SEMA6D: variants seen among roughly 807,000 people sequenced by gnomAD.
SEMA6D encodes the protein semaphorin 6D.
In SEMA6D, 35 loss-of-function variants were observed where a neutral mutation model predicts 106.6. That is an observed-to-expected ratio of 0.33 (90% CI 0.25 to 0.44). SEMA6D has a LOEUF of 0.44. Ranked by LOEUF, SEMA6D falls within the 20% of genes least tolerant of loss-of-function variation. SEMA6D has a pLI of 1.00. For synonymous variants in SEMA6D, 499 were observed against 487.7 expected (o/e 1.02, Z -0.31); for missense variants, 1,185 against 1,345.9 (o/e 0.88, Z 1.87).
chr15:47,348,704 CA>C (rs67792283), intron 1 of SEMA6D, among the ~76,000 whole-genome samples: 41,098 of 100,088 alleles, frequency 0.41, 8,665 homozygotes, highest in Non-Finnish European at 0.51. Flanking sequence ...CACACACACA[CA>C]CACACACACA....
intron 1 of SEMA6D, among the ~76,000 whole-genome samples, chr15:47,351,181 A>G (rs553315894): frequency 7.2e-5 from 11 of 152,226 alleles, no homozygotes; most frequent in African/African-American, 2.4e-4. Context: ...TGTTTATATC[A>G]TATCTATCCT....
chr15:47,552,765 A>C (rs1483144373), intron 3 of SEMA6D, among the ~76,000 whole-genome samples: 1 of 102,410 alleles, frequency 9.8e-6, no homozygotes, highest in African/African-American at 3.7e-5. Context: ...ATATTGTTTC[A>C]CAGTGACAAC....
At chr15:47,471,931 T>TCTCTCACACACA (rs1555445502) in intron 3 of SEMA6D, among the ~76,000 whole-genome samples, 3 of 121,436 alleles carry the variant, frequency 2.5e-5, no homozygotes, top group Admixed American at 8.4e-5. Flanking sequence ...TCTCTCTCTC[T>TCTCTCACACACA]CACACACACA....
intron 4 of SEMA6D, among the ~76,000 whole-genome samples, chr15:47,686,718 C>T (rs796232739): frequency 8.1e-4 from 124 of 152,154 alleles, no homozygotes; most frequent in African/African-American, 2.9e-3. Flanking sequence ...GTGTCAAATT[C>T]CTTGAATGAA....
chr15:47,685,220 A>G (rs2078443685), intron 4 of SEMA6D, among the ~76,000 whole-genome samples: 2 of 152,190 alleles, frequency 1.3e-5, no homozygotes, highest in African/African-American at 4.8e-5. Context: ...CCTAAAATTC[A>G]TTAAACTTTT....
chr15:47,421,921 A>C (rs1390747471), intron 2 of SEMA6D, among the ~76,000 whole-genome samples: 1 of 152,076 alleles, frequency 6.6e-6, no homozygotes, highest in Non-Finnish European at 1.5e-5. Context: ...AATTTAATAA[A>C]ATAAAATTCT....
intron 3 of SEMA6D, among the ~76,000 whole-genome samples, chr15:47,597,533 C>A (rs184618215): frequency 6.6e-6 from 1 of 152,022 alleles, no homozygotes; most frequent in African/African-American, 2.4e-5. Context: ...TACTATACAG[C>A]CTTAATAATG....
intron 3 of SEMA6D, among the ~76,000 whole-genome samples, chr15:47,475,289 T>C (rs1479157446): frequency 6.6e-6 from 1 of 152,210 alleles, no homozygotes; most frequent in East Asian, 1.9e-4. Context: ...TATAATTTTA[T>C]TGATGTTGCA....
intron 4 of SEMA6D, among the ~76,000 whole-genome samples, chr15:47,612,158 A>G (rs1237000401): frequency 1.3e-5 from 2 of 152,182 alleles, no homozygotes; most frequent in Non-Finnish European, 2.9e-5. Flanking sequence ...TATAAATTTC[A>G]TAGCAAAAGC....
intron 1 of SEMA6D, chr15:47,730,495 A>G (rs929002588): frequency 7.7e-7 from 1 of 1,296,060 alleles, no homozygotes; most frequent in East Asian, 2.3e-5. Context: ...GAGCTTTCTT[A>G]TTGTCCACCA....
intron 9 of SEMA6D, 149 bp from the exon 10 acceptor site, chr15:47,763,701 C>T (rs2082184370): frequency 1.4e-6 from 1 of 726,994 alleles, no homozygotes; most frequent in Non-Finnish European, 2.4e-6. Flanking sequence ...TACCTTCTTA[C>T]TGAACAGATC....
chr15:47,578,599 A>C (rs2076199423), intron 3 of SEMA6D, among the ~76,000 whole-genome samples: 1 of 152,238 alleles, frequency 6.6e-6, no homozygotes, highest in African/African-American at 2.4e-5. Context: ...CTCAAAGTAC[A>C]ATCTAAAAGG....
intron 1 of SEMA6D, among the ~76,000 whole-genome samples, chr15:47,193,029 GA>G (rs1566916820): frequency 6.6e-6 from 1 of 152,088 alleles, no homozygotes; most frequent in Non-Finnish European, 1.5e-5. Context: ...TTTGGGCCTG[GA>G]TCATTGCCTT....
chr15:47,246,330 G>C lies in SEMA6D; in HGVS notation c.-239+61912G>C, dbSNP rs146853883. 5.4e-3 allele frequency among the ~76,000 whole-genome samples: 828 copies of C among 152,220 alleles called. 12 individuals carry two copies. The highest frequency in any genetic ancestry group is 0.019 in the African/African-American group (792 of 41,540). On this transcript the variant is annotated intron_variant, in intron 1 of 19. Transcript: ENST00000558014. ...CCTAGTTGGAGCTGGGTGCATGAAG[G>C]AGGAAGATTCAGCCAGTGGGAGCTA...
intron 4 of SEMA6D, among the ~76,000 whole-genome samples, chr15:47,660,165 A>G (rs1422687707): frequency 6.7e-6 from 1 of 150,246 alleles, no homozygotes; most frequent in East Asian, 2.0e-4. Flanking sequence ...TGCCTTAGAT[A>G]TGTACTACAG....
At chr15:47,371,700 T>C (rs999640649) in intron 1 of SEMA6D, among the ~76,000 whole-genome samples, 3 of 152,170 alleles carry the variant, frequency 2.0e-5, no homozygotes, top group African/African-American at 7.2e-5. Flanking sequence ...ATACAACTTG[T>C]GAGCCATTAA....
At chr15:47,732,329 C>A (rs1386686162) in intron 1 of SEMA6D, among the ~76,000 whole-genome samples, 1 of 152,222 alleles carries the variant, frequency 6.6e-6, no homozygotes, top group Non-Finnish European at 1.5e-5. Flanking sequence ...CTCTGCCATT[C>A]TCAACCTGTT....
intron 1 of SEMA6D, among the ~76,000 whole-genome samples, chr15:47,341,035 A>G (rs1355479852): frequency 6.6e-6 from 1 of 152,162 alleles, no homozygotes; most frequent in Non-Finnish European, 1.5e-5. Context: ...ATTATTTTAG[A>G]TTTAGAGACC....
chr15:47,220,249 A>G (rs756288237), intron 1 of SEMA6D, among the ~76,000 whole-genome samples: 6 of 152,218 alleles, frequency 3.9e-5, no homozygotes, highest in Non-Finnish European at 7.3e-5. Flanking sequence ...TCTGCAAGCG[A>G]TAAACCGAAA....
Sources: allele counts gnomAD v4.1 joint callset (sites outside exome capture counted in the v4.1 genomes callset), GRCh38; gene constraint gnomAD v4.1.1; transcripts MANE v1.5; gene names NCBI Gene and HGNC (gene_info 2026-07-23, HGNC 2026-07-21).